The following KIAA1671 variants were observed in gnomAD, a reference collection of about 807,000 sequenced individuals.
KIAA1671 encodes the protein uncharacterized protein KIAA1671.
KIAA1671 carries 52 observed loss-of-function variants against 131.2 expected under a neutral mutation model. The observed-to-expected ratio is 0.40, with a 90% CI of 0.32 to 0.50. The LOEUF (loss-of-function observed/expected upper bound fraction) is 0.50, where lower values mean the gene tolerates loss of function less well. Ranked by LOEUF, KIAA1671 falls within the 20% of genes least tolerant of loss-of-function variation. The pLI, the probability that KIAA1671 is intolerant of heterozygous loss-of-function variation, is 0.73. For synonymous variants in KIAA1671, 1,003 were observed against 961.6 expected (o/e 1.04, Z -0.80); for missense variants, 2,360 against 2,364.2 (o/e 1.00, Z 0.04).
chr22:25,114,462 A>G (rs1931552184), intron 6 of KIAA1671, among the ~76,000 whole-genome samples: 1 of 152,274 alleles, frequency 6.6e-6, no homozygotes, highest in Non-Finnish European at 1.5e-5. Flanking sequence ...GGATAGGAAC[A>G]TGTGCAGTGT....
chr22:24,988,228 C>T (rs1284784030), intron 1 of KIAA1671, among the ~76,000 whole-genome samples: 3 of 147,060 alleles, frequency 2.0e-5, no homozygotes, highest in Non-Finnish European at 3.0e-5. Context: ...TGCAGTGAGC[C>T]GAGATCGCGC....
rs1400957497 is a variant in KIAA1671 at position 25,028,744 on chromosome 22, G to A, written c.745G>A (p.Glu249Lys). The change falls in exon 3 of 13, where the codon GAG becomes AAG. Residue 249 changes from glutamate to lysine, a missense_variant. Transcript: ENST00000358431. ...AAGGCCCGTGTCTGCCATTTTCACG[G>A]AGTCCATTCAGCCTCAGAAGCCAGG... ...KRRPVSAIFT[E>K]SIQPQKPGPG... is the part of the protein sequence containing the mutation. 23 of 1,551,184 alleles carry A rather than the reference G, an allele frequency of 1.5e-5. No homozygotes were observed. Among genetic ancestry groups the A allele is most frequent in the Middle Eastern group, 1.7e-4 (1 of 6,014 alleles).
At chr22:25,133,409 T>C (rs1219489943) in intron 6 of KIAA1671, among the ~76,000 whole-genome samples, 1 of 152,246 alleles carries the variant, frequency 6.6e-6, no homozygotes, top group Non-Finnish European at 1.5e-5. Context: ...AGGTTGTATC[T>C]TGCATAACAC....
In KIAA1671 at chr22:25,005,228, G is replaced by A. The variant is rs12170828; in HGVS notation, c.-207-20405G>A. 2.7e-3 allele frequency among the ~76,000 whole-genome samples: 408 copies of A among 151,106 alleles called. 1 individual carries two copies. Among genetic ancestry groups the A allele is most frequent in the African/African-American group, 9.2e-3 (377 of 41,154 alleles). On this transcript the variant is annotated intron_variant, in intron 1 of 12. Transcript: ENST00000358431. Reference sequence around the variant, plus strand: ...CTGGGCGTGGTGGCGCGCACGTGTAGTCCCAGCTACTCAGGAGGCTGAGGC... The same window carrying A: ...CTGGGCGTGGTGGCGCGCACGTGTAATCCCAGCTACTCAGGAGGCTGAGGC...
intron 6 of KIAA1671, among the ~76,000 whole-genome samples, chr22:25,069,625 C>A (rs1928700152): frequency 6.6e-6 from 1 of 152,224 alleles, no homozygotes; most frequent in Non-Finnish European, 1.5e-5. Context: ...CTTGACTTCT[C>A]TGGGCCTCGG....
rs115458057 is a variant in KIAA1671 at position 24,974,677 on chromosome 22, G to A, written c.-208+21905G>A. Reference sequence around the variant, plus strand: ...TGAGATATAATTCACTTATCATCCAGCTCACCTCTTTTTTTTTTTTTTTTT... The same window carrying A: ...TGAGATATAATTCACTTATCATCCAACTCACCTCTTTTTTTTTTTTTTTTT... On this transcript the variant is annotated intron_variant, in intron 1 of 12. Coordinates refer to ENST00000358431, the MANE Select transcript of KIAA1671 (RefSeq NM_001145206.2). Among the ~76,000 whole-genome samples, 1,212 of 145,608 alleles carry A rather than the reference G, an allele frequency of 8.3e-3. 15 individuals are homozygous for A. Among genetic ancestry groups the A allele is most frequent in the African/African-American group, 0.029 (1,157 of 39,430 alleles).
Position 25,049,452 on chromosome 22 carries a change from C to T in KIAA1671, c.4530+88C>T, listed in dbSNP as rs28440111. The T allele has an allele frequency of 2.1e-4, 308 of 1,433,028 alleles. 2 individuals carry two copies. In the African/African-American group the frequency reaches 4.0e-3, roughly 18 times the overall value. 88.8% of individuals were successfully genotyped at this position (1,433,028 alleles called of 1,614,324 possible). A position where few individuals can be genotyped will look rare whatever the true frequency, so the allele number is the denominator to read the frequency against. ...GAATGTGGTTGGTGGAGCATCTGGA[C>T]AGCCCAGGGCCCTGACGGGGTTGAG... On this transcript the variant is annotated intron_variant, in intron 6 of 12. Coordinates refer to ENST00000358431, the MANE Select transcript of KIAA1671 (RefSeq NM_001145206.2).
intron 1 of KIAA1671, among the ~76,000 whole-genome samples, chr22:25,000,280 G>A (rs1480970593): frequency 1.4e-5 from 1 of 70,674 alleles, no homozygotes; most frequent in Non-Finnish European, 2.7e-5. Flanking sequence ...TGCAAGCTCC[G>A]CCTCCCGGGT....
At chr22:25,109,749 C>T (rs1310534162) in intron 6 of KIAA1671, among the ~76,000 whole-genome samples, 1 of 152,148 alleles carries the variant, frequency 6.6e-6, no homozygotes, top group African/African-American at 2.4e-5. Context: ...GGCTGTGAGC[C>T]CTCTGCTCTT....
intron 6 of KIAA1671, among the ~76,000 whole-genome samples, chr22:25,106,418 C>T (rs142078229): frequency 2.4e-4 from 37 of 152,248 alleles, no homozygotes; most frequent in African/African-American, 6.3e-4. Flanking sequence ...CAGCAGCTGA[C>T]GTGTGTGTGT....
intron 6 of KIAA1671, among the ~76,000 whole-genome samples, chr22:25,117,230 T>G (rs1015395327): frequency 1.2e-4 from 19 of 152,126 alleles, no homozygotes; most frequent in African/African-American, 4.6e-4. Context: ...CCCAGTGACT[T>G]AAATATGGGG....
chr22:25,008,199 A>C (rs1379159840), intron 1 of KIAA1671, among the ~76,000 whole-genome samples: 1 of 1,482 alleles, frequency 6.7e-4, no homozygotes, highest in African/African-American at 2.2e-3. Context: ...CTCCGTCGCA[A>C]AAAAAAAAAA....
chr22:24,997,673 T>A (rs531517666), intron 1 of KIAA1671, among the ~76,000 whole-genome samples: 4 of 152,102 alleles, frequency 2.6e-5, no homozygotes, highest in Non-Finnish European at 5.9e-5. Context: ...GGGTGTGGAC[T>A]TCATTTTGTG....
At chr22:24,968,907 T>G (rs934991811) in intron 1 of KIAA1671, among the ~76,000 whole-genome samples, 2 of 152,062 alleles carry the variant, frequency 1.3e-5, no homozygotes, top group African/African-American at 2.4e-5. Flanking sequence ...GTTGTGTTGT[T>G]TTGTTTTGTT....
intron 1 of KIAA1671, among the ~76,000 whole-genome samples, chr22:24,965,684 G>A (rs538488686): frequency 7.5e-5 from 11 of 146,108 alleles, no homozygotes; most frequent in African/African-American, 2.8e-4. Context: ...AGGTTGCAGT[G>A]AGCCAAGATT....
At chr22:25,191,202 G>A (rs1433768850) in intron 12 of KIAA1671, among the ~76,000 whole-genome samples, 1 of 147,300 alleles carries the variant, frequency 6.8e-6, no homozygotes, top group African/African-American at 2.5e-5. Context: ...AGGCTGGAGT[G>A]CAATGATGCA....
At chr22:25,147,666 A>G (rs1176268497) in intron 6 of KIAA1671, among the ~76,000 whole-genome samples, 1 of 151,918 alleles carries the variant, frequency 6.6e-6, no homozygotes, top group Non-Finnish European at 1.5e-5. Flanking sequence ...TAAAATCATA[A>G]CATTCCCTCC....
At chr22:25,003,160 A>G (rs1339715517) in intron 1 of KIAA1671, among the ~76,000 whole-genome samples, 1 of 152,150 alleles carries the variant, frequency 6.6e-6, no homozygotes, top group Non-Finnish European at 1.5e-5. Context: ...GAATCAAGAG[A>G]GTGGGCTTCA....
At chr22:24,978,471 G>T (rs1164516356) in intron 1 of KIAA1671, among the ~76,000 whole-genome samples, 2 of 152,046 alleles carry the variant, frequency 1.3e-5, no homozygotes, top group Non-Finnish European at 2.9e-5. Context: ...CGTACACCAG[G>T]CATTATTACT....
Sources: allele counts gnomAD v4.1 joint callset (sites outside exome capture counted in the v4.1 genomes callset), GRCh38; gene constraint gnomAD v4.1.1; transcripts MANE v1.5; gene names NCBI Gene and HGNC (gene_info 2026-07-23, HGNC 2026-07-21).